LARGE1: variants seen among roughly 807,000 people sequenced by gnomAD.
LARGE1 encodes xylosyl- and glucuronyltransferase LARGE1.
Under a neutral mutation model 87.6 loss-of-function variants are expected in LARGE1, and 43 were observed. The observed-to-expected ratio is 0.49, with a 90% CI of 0.38 to 0.63. The LOEUF is 0.63. Among genes scored for constraint, LARGE1 ranks in the 30% least tolerant of loss-of-function variants. The pLI is 0.00. For synonymous variants in LARGE1, 434 were observed against 394.6 expected (o/e 1.10, Z -1.18); for missense variants, 802 against 1,000.2 (o/e 0.80, Z 2.67).
intron 7 of LARGE1, among the ~76,000 whole-genome samples, chr22:33,426,639 C>A (rs778694258): frequency 4.6e-5 from 7 of 152,210 alleles, no homozygotes; most frequent in Non-Finnish European, 8.8e-5. Context: ...TCCATGGTAT[C>A]TGACTGTACT....
intron 14 of LARGE1, among the ~76,000 whole-genome samples, chr22:33,275,914 G>A (rs1429113816): frequency 6.6e-6 from 1 of 152,130 alleles, no homozygotes; most frequent in Non-Finnish European, 1.5e-5. Flanking sequence ...GTGGCACTCT[G>A]CTCATTCAAA....
intron 6 of LARGE1, among the ~76,000 whole-genome samples, chr22:33,552,578 CTCTT>C (rs2077562280): frequency 6.6e-6 from 1 of 152,192 alleles, no homozygotes; most frequent in Non-Finnish European, 1.5e-5. Flanking sequence ...ACTGACTCAG[CTCTT>C]TCTCCTTTAG....
At chr22:33,187,765 C>CA (rs201533880) in intron 11 of LARGE1, among the ~76,000 whole-genome samples, 2,402 of 149,218 alleles carry the variant, frequency 0.016, 44 homozygotes, top group African/African-American at 0.041. Context: ...AAACAAAATA[C>CA]AAAAAAAAAT....
At chr22:33,514,711 T>C (rs1203911676) in intron 6 of LARGE1, among the ~76,000 whole-genome samples, 1 of 152,188 alleles carries the variant, frequency 6.6e-6, no homozygotes, top group African/African-American at 2.4e-5. Context: ...TACGTGTATA[T>C]ATATATCATA....
intron 10 of LARGE1, among the ~76,000 whole-genome samples, chr22:33,317,038 A>G (rs2146314161): frequency 1.3e-5 from 2 of 152,182 alleles, no homozygotes; most frequent in East Asian, 3.9e-4. Flanking sequence ...ACGTGGGGAA[A>G]CCCTGTCTCC....
chr22:33,299,789 G>A (rs943588369), intron 12 of LARGE1, among the ~76,000 whole-genome samples: 3 of 152,222 alleles, frequency 2.0e-5, no homozygotes, highest in African/African-American at 7.2e-5. Flanking sequence ...GCAAGTCTGC[G>A]CAACCTCTGC....
chr22:33,838,613 C>T (rs1168813533), intron 1 of LARGE1, among the ~76,000 whole-genome samples: 1 of 152,162 alleles, frequency 6.6e-6, no homozygotes, highest in Non-Finnish European at 1.5e-5. Context: ...TGCACTCCAC[C>T]CTGTCCCCAG....
At chr22:33,900,667 T>C (rs1307014354) in intron 1 of LARGE1, among the ~76,000 whole-genome samples, 1 of 152,164 alleles carries the variant, frequency 6.6e-6, no homozygotes, top group African/African-American at 2.4e-5. Flanking sequence ...GTGACCTTCA[T>C]TGGAAATAGG....
intron 2 of LARGE1, among the ~76,000 whole-genome samples, chr22:33,696,422 C>A (rs1339779961): frequency 2.0e-5 from 3 of 150,942 alleles, no homozygotes; most frequent in Non-Finnish European, 4.4e-5. Context: ...GCCACCACCG[C>A]CCAGCTAATT....
chr22:33,274,231 G>A lies in LARGE1; in HGVS notation c.*196C>T, dbSNP rs2145798341. ...TGCATAGCTAACCTCTGGGAATGCAGGGTTGTGGGGCAGAGAGGGACTGGC... is the reference window on the plus strand; with the variant it reads ...TGCATAGCTAACCTCTGGGAATGCAAGGTTGTGGGGCAGAGAGGGACTGGC... On this transcript the variant is annotated 3_prime_UTR_variant, in exon 15 of 15. Transcript: ENST00000397394. The A allele has an allele frequency of 3.1e-6, 2 of 645,450 alleles. No individual in the cohort carries two copies. Among genetic ancestry groups the A allele is most frequent in the East Asian group, 2.7e-5 (1 of 36,804 alleles). 40.0% of individuals were successfully genotyped at this position (645,450 alleles called of 1,614,324 possible).
At chr22:33,346,135 T>C (rs1262320592) in intron 9 of LARGE1, among the ~76,000 whole-genome samples, 1 of 152,164 alleles carries the variant, frequency 6.6e-6, no homozygotes. Context: ...TTCTTAAACC[T>C]GTCTCTCATG....
intron 10 of LARGE1, among the ~76,000 whole-genome samples, chr22:33,323,501 C>T (rs867507329): frequency 2.6e-5 from 4 of 152,140 alleles, no homozygotes; most frequent in Non-Finnish European, 4.4e-5. Context: ...AAACCAGGGA[C>T]ATTTCACAAC....
intron 6 of LARGE1, among the ~76,000 whole-genome samples, chr22:33,438,160 A>G (rs1190747868): frequency 2.6e-5 from 4 of 152,166 alleles, no homozygotes; most frequent in Non-Finnish European, 5.9e-5. Flanking sequence ...CCTGGTCTCC[A>G]GAGGCCCAAG....
chr22:33,140,048 G>T, the LARGE1 span, among the ~76,000 whole-genome samples: 4 of 152,190 alleles, frequency 2.6e-5, no homozygotes, highest in East Asian at 1.9e-4. Context: ...GAATGAGTTG[G>T]GTGGGAGAGG....
chr22:33,565,693 C>T (rs530339874), intron 5 of LARGE1, among the ~76,000 whole-genome samples: 9 of 152,342 alleles, frequency 5.9e-5, no homozygotes, highest in South Asian at 4.1e-4. Context: ...AGTCATCACG[C>T]GACACTCTTC....
intron 10 of LARGE1, among the ~76,000 whole-genome samples, chr22:33,334,030 G>A (rs1437541400): frequency 2.0e-5 from 3 of 152,134 alleles, no homozygotes; most frequent in Non-Finnish European, 4.4e-5. Flanking sequence ...GCTGAGCCAA[G>A]AAGAATTGCT....
chr22:33,686,689 GGGACTAT>G (rs2081954751), intron 2 of LARGE1, among the ~76,000 whole-genome samples: 1 of 152,128 alleles, frequency 6.6e-6, no homozygotes, highest in Non-Finnish European at 1.5e-5. Context: ...TTTGGTCTTG[GGGACTAT>G]GGCGCCCTTC....
intron 12 of LARGE1, among the ~76,000 whole-genome samples, chr22:33,294,654 G>A (rs1353768852): frequency 1.3e-5 from 2 of 152,128 alleles, no homozygotes; most frequent in African/African-American, 4.8e-5. Flanking sequence ...CATCTTCTTT[G>A]GGACTGGTTC....
At chr22:33,099,455 G>A in the LARGE1 span, among the ~76,000 whole-genome samples, 1 of 152,062 alleles carries the variant, frequency 6.6e-6, no homozygotes, top group African/African-American at 2.4e-5. Context: ...GTTTCTCCAT[G>A]TGGGCAGGCT....
Sources: gnomAD v4.1 joint callset for allele counts (sites outside exome capture counted in the v4.1 genomes callset) on GRCh38, gnomAD v4.1.1 for gene constraint, MANE v1.5 for transcripts, NCBI Gene and HGNC (gene_info 2026-07-23, HGNC 2026-07-21) for gene names.